Variants in NKAIN2 observed in about 807,000 individuals in gnomAD.
NKAIN2 encodes sodium/potassium transporting ATPase interacting 2.
NKAIN2 carries 14 observed loss-of-function variants against 32.6 expected under a neutral mutation model. The observed-to-expected ratio is 0.43, with a 90% CI of 0.28 to 0.67. NKAIN2 has a LOEUF of 0.67. Ranked by LOEUF, NKAIN2 falls within the 30% of genes least tolerant of loss-of-function variation. NKAIN2 has a pLI of 0.17. For missense variants in NKAIN2, 198 were observed against 258.3 expected, an observed-to-expected ratio of 0.77 and a Z score of 1.60; for synonymous variants, 80 against 87.2, an observed-to-expected ratio of 0.92 and a Z score of 0.46.
chr6:124,554,067 T>C (rs920717165), intron 3 of NKAIN2, among the ~76,000 whole-genome samples: 1 of 152,246 alleles, frequency 6.6e-6, no homozygotes, highest in Non-Finnish European at 1.5e-5. Flanking sequence ...AGTCTTAGTA[T>C]ATAGCTACAA....
intron 1 of NKAIN2, among the ~76,000 whole-genome samples, chr6:124,022,118 C>A (rs891053166): frequency 6.9e-6 from 1 of 144,862 alleles, no homozygotes; most frequent in African/African-American, 2.5e-5. Context: ...TTGTTCAATT[C>A]CCACCTATGA....
At chr6:124,157,051 C>G (rs945334293) in intron 1 of NKAIN2, among the ~76,000 whole-genome samples, 1 of 122,404 alleles carries the variant, frequency 8.2e-6, no homozygotes, top group Non-Finnish European at 1.6e-5. Flanking sequence ...TGCAGTGAGC[C>G]GAGATCGAGC....
intron 1 of NKAIN2, among the ~76,000 whole-genome samples, chr6:123,855,956 A>T (rs1775540287): frequency 1.3e-5 from 2 of 152,214 alleles, no homozygotes; most frequent in African/African-American, 4.8e-5. Flanking sequence ...TTTGAAGTTT[A>T]CAATTAAAAG....
At chr6:124,477,473 G>A (rs1777265408) in intron 3 of NKAIN2, among the ~76,000 whole-genome samples, 1 of 152,184 alleles carries the variant, frequency 6.6e-6, no homozygotes, top group African/African-American at 2.4e-5. Flanking sequence ...TCACCTGTGA[G>A]AACCAAAAAC....
intron 2 of NKAIN2, among the ~76,000 whole-genome samples, chr6:124,336,569 C>T (rs1196000167): frequency 2.0e-5 from 3 of 151,844 alleles, no homozygotes; most frequent in South Asian, 4.1e-4. Flanking sequence ...CATTTCCAGA[C>T]TTTATATATG....
intron 1 of NKAIN2, among the ~76,000 whole-genome samples, chr6:124,047,423 G>A (rs888289270): frequency 2.6e-5 from 4 of 151,044 alleles, no homozygotes; most frequent in Non-Finnish European, 4.4e-5. Context: ...ATAAAGTGAG[G>A]GAAATTTACT....
chr6:124,330,722 A>G (rs73770409), intron 2 of NKAIN2, among the ~76,000 whole-genome samples: 2,271 of 152,252 alleles, frequency 0.015, 66 homozygotes, highest in East Asian at 0.11. Flanking sequence ...CCCCGGGGCT[A>G]TGGACTGGTA....
chr6:124,142,734 T>C (rs1409835787), intron 1 of NKAIN2, among the ~76,000 whole-genome samples: 5 of 152,242 alleles, frequency 3.3e-5, no homozygotes, highest in Non-Finnish European at 7.3e-5. Context: ...TAATAGGTCA[T>C]AAATTAGGGG....
chr6:123,911,807 A>ATATATATG (rs1473572416), intron 1 of NKAIN2, among the ~76,000 whole-genome samples: 36 of 103,664 alleles, frequency 3.5e-4, no homozygotes, highest in East Asian at 5.1e-4. Context: ...ATATGTATAT[A>ATATATATG]TATATACACA....
At chr6:124,299,318 G>A (rs1013409737) in intron 2 of NKAIN2, among the ~76,000 whole-genome samples, 3 of 152,270 alleles carry the variant, frequency 2.0e-5, no homozygotes, top group Non-Finnish European at 4.4e-5. Flanking sequence ...AGATTTATAC[G>A]AATTGCCTAT....
chr6:124,794,849 G>A, intron 5 of NKAIN2: 1 of 968,138 alleles, frequency 1.0e-6, no homozygotes, highest in Non-Finnish European at 1.2e-6. Flanking sequence ...CTCAGACGAT[G>A]CCTGGACATA....
chr6:124,530,030 C>T (rs1427612410), intron 3 of NKAIN2, among the ~76,000 whole-genome samples: 1 of 152,144 alleles, frequency 6.6e-6, no homozygotes, highest in Non-Finnish European at 1.5e-5. Context: ...GTTTTCTTTT[C>T]CCCATGTGAA....
At chr6:124,736,831 G>C (rs1274977607) in intron 4 of NKAIN2, among the ~76,000 whole-genome samples, 2 of 151,906 alleles carry the variant, frequency 1.3e-5, no homozygotes, top group African/African-American at 2.4e-5. Context: ...GGAAATTAAT[G>C]TTGTTTTTAT....
chr6:124,342,363 T>A (rs1257775340), intron 2 of NKAIN2, among the ~76,000 whole-genome samples: 2 of 149,332 alleles, frequency 1.3e-5, no homozygotes, highest in African/African-American at 2.5e-5. Flanking sequence ...GAGCCGAGAT[T>A]GCCCCACTGC....
chr6:124,159,333 G>A (rs922990109), intron 1 of NKAIN2, among the ~76,000 whole-genome samples: 1 of 152,076 alleles, frequency 6.6e-6, no homozygotes, highest in African/African-American at 2.4e-5. Flanking sequence ...TTTTGATTGC[G>A]ATGGGGTATG....
chr6:123,891,839 GAATAGATACTAA>G (rs1327095756), intron 1 of NKAIN2, among the ~76,000 whole-genome samples: 4 of 152,088 alleles, frequency 2.6e-5, no homozygotes, highest in African/African-American at 9.7e-5. Flanking sequence ...AAGAAATAAA[GAATAGATACTAA>G]AATAGAGATG....
At chr6:124,349,575 T>A (rs73571202) in intron 2 of NKAIN2, among the ~76,000 whole-genome samples, 1,693 of 152,296 alleles carry the variant, frequency 0.011, 32 homozygotes, top group African/African-American at 0.039. Flanking sequence ...TATTTCCCTG[T>A]AGCTTCTGTT....
chr6:124,346,797 G>A (rs1423648844), intron 2 of NKAIN2, among the ~76,000 whole-genome samples: 7 of 151,956 alleles, frequency 4.6e-5, no homozygotes, highest in South Asian at 2.1e-4. Flanking sequence ...CTATTTGCCA[G>A]TCTGTGCCTT....
At chr6:123,840,326 T>C (rs1375357609) in intron 1 of NKAIN2, among the ~76,000 whole-genome samples, 1 of 152,028 alleles carries the variant, frequency 6.6e-6, no homozygotes, top group Non-Finnish European at 1.5e-5. Context: ...TAAATTTATA[T>C]CTCTTCTGCC....
Sources: gnomAD v4.1 joint callset for allele counts (sites outside exome capture counted in the v4.1 genomes callset) on GRCh38, gnomAD v4.1.1 for gene constraint, MANE v1.5 for transcripts, NCBI Gene and HGNC (gene_info 2026-07-23, HGNC 2026-07-21) for gene names.